Variants in CLASP1 observed in about 807,000 individuals in gnomAD.
The protein encoded by CLASP1 is CLIP-associating protein 1.
A neutral mutation model predicts 192.3 loss-of-function variants in CLASP1; 38 were observed. The observed-to-expected ratio is 0.20, with a 90% CI of 0.15 to 0.26. The LOEUF (loss-of-function observed/expected upper bound fraction) is 0.26. CLASP1 is among the 10% of genes least tolerant of loss of function. CLASP1 has a pLI of 1.00. For synonymous variants in CLASP1, 691 were observed against 712.8 expected (o/e 0.97, Z 0.49); for missense variants, 1,433 against 1,932.5 (o/e 0.74, Z 4.85).
intron 8 of CLASP1, among the ~76,000 whole-genome samples, chr2:121,479,245 C>G (rs1325034234): frequency 6.7e-6 from 1 of 149,808 alleles, no homozygotes; most frequent in Non-Finnish European, 1.5e-5. Flanking sequence ...AGAACTAAAA[C>G]TATCTCCATT....
At chr2:121,464,513 T>C (rs1338513454) in intron 9 of CLASP1, among the ~76,000 whole-genome samples, 1 of 152,200 alleles carries the variant, frequency 6.6e-6, no homozygotes, top group Non-Finnish European at 1.5e-5. Context: ...ACCTGTCGTT[T>C]CCTGACTTTT....
At chr2:121,457,756 T>C (rs2086998988) in exon 14 of CLASP1, 2 of 1,611,154 alleles carry the variant, frequency 1.2e-6, no homozygotes, top group African/African-American at 2.7e-5. Flanking sequence ...GATGTGTGTG[T>C]GCTGTGAAGA....
chr2:121,543,650 CCTT>C (rs2095275326), intron 2 of CLASP1, among the ~76,000 whole-genome samples: 1 of 152,144 alleles, frequency 6.6e-6, no homozygotes, highest in Admixed American at 6.5e-5. Context: ...AAGTCCCAAT[CCTT>C]CTAAGAGACA....
chr2:121,530,833 A>T, intron 2 of CLASP1: 2 of 661,980 alleles, frequency 3.0e-6, no homozygotes, highest in Non-Finnish European at 2.8e-6. Context: ...CCACAACCCT[A>T]CCAGGTATTG....
chr2:121,551,252 T>C (rs776010991), intron 2 of CLASP1, among the ~76,000 whole-genome samples: 1 of 152,122 alleles, frequency 6.6e-6, no homozygotes, highest in Non-Finnish European at 1.5e-5. Context: ...CCATACTGAA[T>C]GGGGAAAAGC....
At chr2:121,453,361 T>A (rs1045514652) in intron 14 of CLASP1, among the ~76,000 whole-genome samples, 1 of 152,136 alleles carries the variant, frequency 6.6e-6, no homozygotes, top group Admixed American at 6.5e-5. Context: ...GGAGATCCAA[T>A]GATAACCAAG....
rs952922391 is a variant in CLASP1 at position 121,574,946 on chromosome 2, G to GA, written c.195+30754dup. ...CTACAGAGGGAGATTCTGTCTCAAAGAAAAAAAAAGAAACCACTGAGAGAT... is the reference window on the plus strand; with the variant it reads ...CTACAGAGGGAGATTCTGTCTCAAAGAAAAAAAAAAGAAACCACTGAGAGAT... On this transcript the variant is annotated intron_variant, in intron 2 of 39. Transcript: ENST00000263710. 9.1e-5 allele frequency among the ~76,000 whole-genome samples: 13 copies of GA among 142,190 alleles called. No homozygotes were observed. In the East Asian group the frequency reaches 1.3e-3, roughly 14 times the overall value. 93.3% of individuals were successfully genotyped at this position (142,190 alleles called of 152,430 possible). A position where few individuals can be genotyped will look rare whatever the true frequency, so the allele number is the denominator to read the frequency against.
intron 37 of CLASP1, among the ~76,000 whole-genome samples, chr2:121,356,254 C>T (rs1304614266): frequency 6.6e-6 from 1 of 152,154 alleles, no homozygotes; most frequent in Non-Finnish European, 1.5e-5. Flanking sequence ...AAGAGTTTAG[C>T]GCCACCTTCT....
At chr2:121,391,192 C>G (rs1449586232) in intron 30 of CLASP1, among the ~76,000 whole-genome samples, 3 of 152,220 alleles carry the variant, frequency 2.0e-5, no homozygotes, top group Non-Finnish European at 4.4e-5. Flanking sequence ...TATTAATAAT[C>G]TAAAATGCAA....
rs566400842 is a variant in CLASP1 at position 121,542,878 on chromosome 2, C to G, written c.196-12553G>C. ...ATGAGGCCAGCAATATGGCAAGTCA[C>G]ACTAGGAGACAAGGTTTAAAATACA... On this transcript the variant is annotated intron_variant, in intron 2 of 39. Transcript: ENST00000263710. 2.0e-3 allele frequency among the ~76,000 whole-genome samples: 310 copies of G among 152,284 alleles called. 1 individual carries two copies. Among genetic ancestry groups the G allele is most frequent in the African/African-American group, 5.9e-3 (247 of 41,546 alleles).
At chr2:121,456,798 G>A (rs1027772506) in intron 14 of CLASP1, among the ~76,000 whole-genome samples, 1 of 152,132 alleles carries the variant, frequency 6.6e-6, no homozygotes, top group African/African-American at 2.4e-5. Context: ...TCTTAAGAGT[G>A]AAGGACTCTT....
At chr2:121,459,864 G>T in intron 12 of CLASP1, 116 bp downstream of exon 12, 1 of 928,838 alleles carries the variant, frequency 1.1e-6, no homozygotes, top group Non-Finnish European at 1.5e-6. Context: ...AATGGGTCTT[G>T]GAGACTAGTC....
At chr2:121,402,334 G>A (rs2076259962) in intron 26 of CLASP1, among the ~76,000 whole-genome samples, 2 of 152,092 alleles carry the variant, frequency 1.3e-5, no homozygotes, top group South Asian at 4.2e-4. Context: ...TTTTGCTAAG[G>A]CAAAATAGAG....
At chr2:121,421,739 TGC>T (rs1346611513) in intron 22 of CLASP1, among the ~76,000 whole-genome samples, 1 of 152,092 alleles carries the variant, frequency 6.6e-6, no homozygotes, top group Non-Finnish European at 1.5e-5. Context: ...GATGGGGTTT[TGC>T]CATGGTGGTC....
intron 16 of CLASP1, 78 bp from the exon 17 acceptor site, chr2:121,449,198 G>C: frequency 7.6e-7 from 1 of 1,315,942 alleles, no homozygotes; most frequent in Non-Finnish European, 1.1e-6. Flanking sequence ...GTACACCACA[G>C]AAGATTTTCA....
chr2:121,645,186 G>C (rs551249574), intron 1 of CLASP1, among the ~76,000 whole-genome samples: 1 of 152,312 alleles, frequency 6.6e-6, no homozygotes, highest in East Asian at 1.9e-4. Flanking sequence ...TCAAGAGAGA[G>C]TTTAATAAGT....
intron 22 of CLASP1, among the ~76,000 whole-genome samples, chr2:121,422,598 A>AC (rs1434764050): frequency 6.6e-6 from 1 of 152,196 alleles, no homozygotes; most frequent in Non-Finnish European, 1.5e-5. Context: ...CTAGTCAGAT[A>AC]GCTTATGAGG....
intron 1 of CLASP1, among the ~76,000 whole-genome samples, chr2:121,609,963 C>T (rs555180755): frequency 6.6e-6 from 1 of 152,192 alleles, no homozygotes; most frequent in Admixed American, 6.6e-5. Flanking sequence ...AAAAATTAAG[C>T]AAGTAATGTC....
At chr2:121,407,939 C>A (rs2077161006) in intron 24 of CLASP1, 6 of 663,184 alleles carry the variant, frequency 9.0e-6, no homozygotes, top group Non-Finnish European at 1.7e-5. Context: ...AAGAGTATGG[C>A]CTCTAGTAAA....
Sources: gnomAD v4.1 joint callset for allele counts (sites outside exome capture counted in the v4.1 genomes callset) on GRCh38, gnomAD v4.1.1 for gene constraint, MANE v1.5 for transcripts, NCBI Gene and HGNC (gene_info 2026-07-23, HGNC 2026-07-21) for gene names.